C1QTNF9: variants seen among roughly 807,000 people sequenced by gnomAD.
The protein encoded by C1QTNF9 is complement C1q and tumor necrosis factor-related protein 9A.
C1QTNF9 carries 6 observed loss-of-function variants against 10.1 expected under a neutral mutation model. The observed-to-expected ratio is 0.59, with a 90% CI of 0.32 to 1.17. C1QTNF9 has a LOEUF of 1.17. C1QTNF9 is among the 50% of genes most tolerant of loss of function. C1QTNF9 has a pLI of 0.04. For missense variants in C1QTNF9, 201 were observed against 418.8 expected (o/e 0.48, Z 4.54); for synonymous variants, 98 against 163.5 (o/e 0.60, Z 3.06).
intron 1 of C1QTNF9, among the ~76,000 whole-genome samples, chr13:24,313,448 A>G (rs1877909728): frequency 6.6e-6 from 1 of 152,162 alleles, no homozygotes; most frequent in Non-Finnish European, 1.5e-5. Context: ...ACCCTCAACA[A>G]AGTTTGGTTG....
At chr13:24,312,307 T>A (rs1351488590) in intron 1 of C1QTNF9, among the ~76,000 whole-genome samples, 1 of 152,180 alleles carries the variant, frequency 6.6e-6, no homozygotes, top group East Asian at 1.9e-4. Context: ...TACTAAGTGA[T>A]CATTAGTCTA....
chr13:24,308,550 G>A (rs1175035152), upstream of C1QTNF9, among the ~76,000 whole-genome samples: 1 of 152,252 alleles, frequency 6.6e-6, no homozygotes, highest in Non-Finnish European at 1.5e-5. Flanking sequence ...TGCACTGACG[G>A]GGAAATTGAG....
chr13:24,313,646 C>T (rs902015523), intron 1 of C1QTNF9, among the ~76,000 whole-genome samples: 5 of 152,192 alleles, frequency 3.3e-5, no homozygotes, highest in East Asian at 1.9e-4. Flanking sequence ...TAGACTGCTC[C>T]CTGTGACATT....
At chr13:24,316,970 C>A (rs1878063471) in intron 2 of C1QTNF9, among the ~76,000 whole-genome samples, 1 of 152,144 alleles carries the variant, frequency 6.6e-6, no homozygotes, top group Non-Finnish European at 1.5e-5. Context: ...TTCTATGGAC[C>A]TTTTTAAAGA....
chr13:24,318,862 G>A (rs1878144409), exon 3 of C1QTNF9: 1 of 1,614,124 alleles, frequency 6.2e-7, no homozygotes, highest in African/African-American at 1.3e-5. Context: ...TGGGACGAGT[G>A]GAGAGAAGGG....
intron 3 of C1QTNF9, among the ~76,000 whole-genome samples, chr13:24,320,242 C>A (rs1184946863): frequency 3.3e-5 from 5 of 152,030 alleles, no homozygotes; most frequent in Non-Finnish European, 7.4e-5. Context: ...TATTTAATGG[C>A]CAGCATGGTA....
intron 1 of C1QTNF9, among the ~76,000 whole-genome samples, chr13:24,313,595 A>G (rs1205991571): frequency 6.6e-6 from 1 of 152,188 alleles, no homozygotes; most frequent in Non-Finnish European, 1.5e-5. Flanking sequence ...CTTCGAAGGG[A>G]AGCATCTGCA....
At chr13:24,309,016 C>T (rs539234694), upstream of C1QTNF9, among the ~76,000 whole-genome samples, 2 of 151,990 alleles carry the variant, frequency 1.3e-5, no homozygotes, top group South Asian at 2.1e-4. Context: ...TAAGGCATTA[C>T]GACACACCCA....
intron 1 of C1QTNF9, chr13:24,315,639 C>T (rs1593533493): frequency 2.4e-5 from 10 of 416,428 alleles, no homozygotes; most frequent in East Asian, 1.5e-4. Context: ...TTGATCTGTA[C>T]GACAGTCCTG....
chr13:24,311,477 A>G (rs1008836588), intron 1 of C1QTNF9, among the ~76,000 whole-genome samples: 1 of 152,236 alleles, frequency 6.6e-6, no homozygotes, highest in African/African-American at 2.4e-5. Context: ...CTATACATAC[A>G]TATGATATCA....
intron 1 of C1QTNF9, among the ~76,000 whole-genome samples, chr13:24,312,749 A>G (rs28591224): frequency 0.5 from 75,813 of 151,512 alleles, 19,473 homozygotes; most frequent in Middle Eastern, 0.57. Context: ...AAGGTCAGGA[A>G]ATCGAGACCA....
chr13:24,317,420 C>A (rs1203618244), intron 2 of C1QTNF9, among the ~76,000 whole-genome samples: 1 of 152,152 alleles, frequency 6.6e-6, no homozygotes, highest in Non-Finnish European at 1.5e-5. Context: ...TTCTCTACCT[C>A]TTCCCTGTTG....
upstream of C1QTNF9, among the ~76,000 whole-genome samples, chr13:24,308,454 G>A (rs1472856496): frequency 4.6e-5 from 7 of 152,220 alleles, no homozygotes; most frequent in Admixed American, 4.6e-4. Flanking sequence ...GCTGCGGGGT[G>A]CCGGGGAGAA....
chr13:24,316,612 C>T (rs1365092988), intron 2 of C1QTNF9, among the ~76,000 whole-genome samples: 1 of 152,228 alleles, frequency 6.6e-6, no homozygotes, highest in East Asian at 1.9e-4. Context: ...AGAGCTAATA[C>T]CGCATCATGC....
intron 1 of C1QTNF9, 50 bp from the exon 2 acceptor site, chr13:24,315,932 G>C: frequency 1.9e-6 from 3 of 1,599,454 alleles, no homozygotes; most frequent in East Asian, 2.2e-5. Flanking sequence ...CTGTGTCCAG[G>C]GCCCCAGCAA....
upstream of C1QTNF9, chr13:24,307,237 G>A (rs1877631970): frequency 2.6e-5 from 4 of 152,234 alleles, no homozygotes; most frequent in Admixed American, 2.6e-4. Flanking sequence ...GGGTAGGCGT[G>A]GGAGAAGGGG....
At chr13:24,318,145 A>G (rs905448393) in intron 2 of C1QTNF9, among the ~76,000 whole-genome samples, 3 of 152,122 alleles carry the variant, frequency 2.0e-5, no homozygotes, top group African/African-American at 7.2e-5. Context: ...CTACTGCCAT[A>G]GCCAGAGCCA....
At chr13:24,315,204 C>T (rs909603278) in intron 1 of C1QTNF9, among the ~76,000 whole-genome samples, 1 of 152,148 alleles carries the variant, frequency 6.6e-6, no homozygotes, top group Admixed American at 6.5e-5. Context: ...CAAACAACTC[C>T]CATTTCCTTC....
At chr13:24,315,157 CTT>C (rs781343111) in intron 1 of C1QTNF9, among the ~76,000 whole-genome samples, 1 of 152,200 alleles carries the variant, frequency 6.6e-6, no homozygotes, top group Non-Finnish European at 1.5e-5. Context: ...CTCCAGAACT[CTT>C]TTAAAATCTT....
Sources: gnomAD v4.1 joint callset for allele counts (sites outside exome capture counted in the v4.1 genomes callset) on GRCh38, gnomAD v4.1.1 for gene constraint, MANE v1.5 for transcripts, NCBI Gene and HGNC (gene_info 2026-07-23, HGNC 2026-07-21) for gene names.